Variants in PKNOX2 observed in about 807,000 individuals in gnomAD.
PKNOX2 encodes the protein PBX/knotted 1 homeobox 2.
Under a neutral mutation model 53.1 loss-of-function variants are expected in PKNOX2, and 14 were observed. That is an observed-to-expected ratio of 0.26 (90% CI 0.17 to 0.41). The LOEUF (loss-of-function observed/expected upper bound fraction) is 0.41. Ranked by LOEUF, PKNOX2 falls within the 10% of genes least tolerant of loss-of-function variation. The probability of loss-of-function intolerance (pLI) is 1.00; values close to 1 mark genes in which losing one functional copy is unlikely to be tolerated. For synonymous variants in PKNOX2, 257 were observed against 242.8 expected, an observed-to-expected ratio of 1.06 and a Z score of -0.54; for missense variants, 496 against 602.8, an observed-to-expected ratio of 0.82 and a Z score of 1.85.
intron 2 of PKNOX2, among the ~76,000 whole-genome samples, chr11:125,327,772 T>C (rs771086940): frequency 3.3e-5 from 5 of 152,196 alleles, no homozygotes; most frequent in African/African-American, 4.8e-5. Context: ...TTATGCCTTG[T>C]AGCTTTCTGT....
At chr11:125,168,368 C>T (rs1955043288) in intron 1 of PKNOX2, among the ~76,000 whole-genome samples, 1 of 152,354 alleles carries the variant, frequency 6.6e-6, no homozygotes, top group South Asian at 2.1e-4. Context: ...TTGTTCAAAG[C>T]TCAAAGCTTC....
intron 10 of PKNOX2, among the ~76,000 whole-genome samples, chr11:125,428,124 C>CA: frequency 4.6e-5 from 7 of 152,146 alleles, no homozygotes; most frequent in African/African-American, 1.7e-4. Flanking sequence ...GTGGAAGGCA[C>CA]TGGGGATACA....
At chr11:125,167,043 C>T (rs1000943883) in intron 1 of PKNOX2, among the ~76,000 whole-genome samples, 10 of 152,138 alleles carry the variant, frequency 6.6e-5, no homozygotes, top group East Asian at 1.9e-4. Flanking sequence ...TTGGTGGAAG[C>T]GGGGAGGGAG....
intron 10 of PKNOX2, among the ~76,000 whole-genome samples, chr11:125,420,706 T>C (rs932301593): frequency 6.6e-6 from 1 of 152,174 alleles, no homozygotes; most frequent in African/African-American, 2.4e-5. Context: ...TTTAGATCAT[T>C]GTGAACATAG....
At chr11:125,336,275 C>A (rs969272607) in intron 3 of PKNOX2, among the ~76,000 whole-genome samples, 2 of 152,136 alleles carry the variant, frequency 1.3e-5, no homozygotes, top group African/African-American at 2.4e-5. Flanking sequence ...ACCACAACAG[C>A]TTCTGGCCTT....
At chr11:125,398,647 C>A (rs1186811386) in intron 7 of PKNOX2, among the ~76,000 whole-genome samples, 3 of 152,230 alleles carry the variant, frequency 2.0e-5, no homozygotes, top group African/African-American at 7.2e-5. Context: ...CCCCTGCCAC[C>A]TCCTTCCTGA....
intron 2 of PKNOX2, among the ~76,000 whole-genome samples, chr11:125,281,335 A>G (rs187011295): frequency 5.3e-5 from 8 of 152,336 alleles, no homozygotes; most frequent in Non-Finnish European, 8.8e-5. Flanking sequence ...CTGACCTGCC[A>G]TCATGTGGAA....
intron 7 of PKNOX2, among the ~76,000 whole-genome samples, chr11:125,407,218 A>G (rs1314500189): frequency 6.6e-6 from 1 of 152,210 alleles, no homozygotes; most frequent in East Asian, 1.9e-4. Context: ...GATCCAATGC[A>G]TAAATTGCCC....
At chr11:125,194,440 G>A (rs930807157) in intron 1 of PKNOX2, among the ~76,000 whole-genome samples, 1 of 152,160 alleles carries the variant, frequency 6.6e-6, no homozygotes, top group African/African-American at 2.4e-5. Context: ...CAGGCAAGGA[G>A]GTTTGTAGCT....
intron 3 of PKNOX2, 95 bp from the exon 4 acceptor site, chr11:125,351,189 A>C: frequency 1.4e-6 from 1 of 720,820 alleles, no homozygotes. Context: ...CAGCCGGCCC[A>C]GGTGGCCCAG....
chr11:125,254,211 T>C (rs1944225729), intron 2 of PKNOX2, among the ~76,000 whole-genome samples: 1 of 152,108 alleles, frequency 6.6e-6, no homozygotes, highest in Non-Finnish European at 1.5e-5. Flanking sequence ...AAGAAAAAAA[T>C]GTCTCTTTAT....
chr11:125,355,077 G>A (rs570372215), intron 4 of PKNOX2, among the ~76,000 whole-genome samples: 31 of 152,094 alleles, frequency 2.0e-4, no homozygotes, highest in African/African-American at 6.7e-4. Flanking sequence ...GACCAGCTTG[G>A]CCAACACGGT....
At position 125,262,756 on chromosome 11, in the gene PKNOX2, G is replaced by C. The variant is rs938329886; in HGVS notation, c.-130+27641G>C. Among the ~76,000 whole-genome samples, 10 of 151,844 alleles carry C rather than the reference G, an allele frequency of 6.6e-5. 1 individual carries two copies. Among genetic ancestry groups the C allele is most frequent in the Admixed American group, 6.6e-4 (10 of 15,264 alleles). ...TTGTCCTTTCTTTCCACTCGTTCTGGGCACCTCATCACCTCTCTCTTTTCT... is the reference window on the plus strand; with the variant it reads ...TTGTCCTTTCTTTCCACTCGTTCTGCGCACCTCATCACCTCTCTCTTTTCT... On this transcript the variant is annotated intron_variant, in intron 2 of 12. Transcript: ENST00000298282.
Position 125,397,888 on chromosome 11 carries a change from C to A in PKNOX2, c.414C>A (p.Ile138=), listed in dbSNP as rs769379742. The A allele has an allele frequency of 6.2e-7, 1 of 1,611,532 alleles. No individual in the cohort carries two copies. The part of the protein sequence containing the change: ...PELDNLMVKA[I]QVLRIHLLEL... ...CCTCTCCACAGATGGTGAAGGCAAT[C>A]CAGGTCCTGAGAATCCACCTGCTGG... Residue 138 remains isoleucine, a synonymous_variant, in exon 7 of 13, where the codon ATC becomes ATA. Transcript: ENST00000298282.
chr11:125,169,098 G>A lies in PKNOX2; in HGVS notation c.-201+4322G>A, dbSNP rs573645339. On this transcript the variant is annotated intron_variant, in intron 1 of 12. Coordinates refer to ENST00000298282, the MANE Select transcript of PKNOX2 (RefSeq NM_001382323.2). Reference sequence around the variant, plus strand: ...GCGATGCTGTAAGATATATATAAACGTGTGATGCAATTGCTGGAGGTGACG... The same window carrying A: ...GCGATGCTGTAAGATATATATAAACATGTGATGCAATTGCTGGAGGTGACG... Among the ~76,000 whole-genome samples the A allele has an allele frequency of 1.6e-4, 25 of 152,288 alleles. No individual in the cohort carries two copies. In the South Asian group the frequency reaches 4.1e-3, roughly 25 times the overall value.
chr11:125,375,678 T>G (rs560513260), intron 5 of PKNOX2, among the ~76,000 whole-genome samples: 2 of 152,252 alleles, frequency 1.3e-5, no homozygotes, highest in African/African-American at 2.4e-5. Context: ...GTTTAGTCCT[T>G]GACTGTGACC....
At chr11:125,179,404 G>C (rs901081095) in intron 1 of PKNOX2, among the ~76,000 whole-genome samples, 2 of 152,184 alleles carry the variant, frequency 1.3e-5, no homozygotes, top group African/African-American at 2.4e-5. Context: ...AGCAGGGCAG[G>C]GCCTCCCTGG....
rs910954523 is a variant in PKNOX2, at chr11:125,171,795, C to T, written c.-201+7019C>T. On this transcript the variant is annotated intron_variant, in intron 1 of 12. Coordinates refer to ENST00000298282, the MANE Select transcript of PKNOX2 (RefSeq NM_001382323.2). ...CCTGGTGCTGCCTGCTGTGCACAGC[C>T]CTGGCAGAGGCTGCAGTAGAAAACA... Among the ~76,000 whole-genome samples, 3 of 152,182 alleles carry T rather than the reference C, an allele frequency of 2.0e-5. 1 individual carries two copies. The South Asian group carries it at 6.2e-4, about 32-fold the overall frequency.
rs566234195 is a variant in PKNOX2 at position 125,336,507 on chromosome 11, C to A, written c.-23+4582C>A. On this transcript the variant is annotated intron_variant, in intron 3 of 12. Coordinates refer to ENST00000298282, the MANE Select transcript of PKNOX2 (RefSeq NM_001382323.2). ...ATATGTACTATATAACATATATACA[C>A]CATATATAATATATCCTATATATTA... Among the ~76,000 whole-genome samples, 55 of 148,878 alleles carry A rather than the reference C, an allele frequency of 3.7e-4. 1 individual carries two copies. The East Asian group carries it at 9.9e-3, about 27-fold the overall frequency.
Sources: gnomAD v4.1 joint callset for allele counts (sites outside exome capture counted in the v4.1 genomes callset) on GRCh38, gnomAD v4.1.1 for gene constraint, MANE v1.5 for transcripts, NCBI Gene and HGNC (gene_info 2026-07-23, HGNC 2026-07-21) for gene names.